The following FAM171B variants were observed in gnomAD, a reference collection of about 807,000 sequenced individuals.
FAM171B encodes the protein family with sequence similarity 171 member B, also known as protein FAM171B.
FAM171B carries 19 observed loss-of-function variants against 75.6 expected under a neutral mutation model. That is an observed-to-expected ratio of 0.25 (90% confidence interval 0.18 to 0.37). FAM171B has a LOEUF of 0.37. Ranked by LOEUF, FAM171B falls within the 10% of genes least tolerant of loss-of-function variation. The pLI is 1.00. For synonymous variants in FAM171B, 367 were observed against 361.7 expected, an observed-to-expected ratio of 1.01 and a Z score of -0.17; for missense variants, 848 against 982.4, an observed-to-expected ratio of 0.86 and a Z score of 1.83.
chr2:186,710,756 A>G (rs879675739), intron 1 of FAM171B, among the ~76,000 whole-genome samples: 10 of 152,156 alleles, frequency 6.6e-5, no homozygotes, highest in East Asian at 1.9e-4. Context: ...TCTGCCTCCA[A>G]TTGTTTATAA....
At chr2:186,708,951 G>T (rs560576664) in intron 1 of FAM171B, among the ~76,000 whole-genome samples, 45 of 152,308 alleles carry the variant, frequency 3.0e-4, no homozygotes, top group African/African-American at 1.0e-3. Flanking sequence ...TAATTTTTAA[G>T]AAAGGAGGTT....
At chr2:186,751,028 G>T in intron 4 of FAM171B, 106 bp from the exon 5 acceptor site, 1 of 812,152 alleles carries the variant, frequency 1.2e-6, no homozygotes, top group Non-Finnish European at 1.9e-6. Context: ...TATTAAAATA[G>T]ATAACCCTTG....
Position 186,753,929 on chromosome 2 carries a change from T to G in FAM171B, c.896-4T>G. The stretch of plus-strand genomic sequence containing the variant: ...TAACAAGTATTTTTTACATACCTTT[T>G]TAGGTGCTTGGGTAAATCATGGTCG... On this transcript the variant is annotated splice_region_variant and splice_polypyrimidine_tract_variant and intron_variant, in intron 5 of 7. Coordinates refer to ENST00000304698, the MANE Select transcript of FAM171B (RefSeq NM_177454.4). 1 of 1,612,044 alleles carries G rather than the reference T, an allele frequency of 6.2e-7. No individual in the cohort carries two copies. The highest frequency in any genetic ancestry group is 8.5e-7 in the Non-Finnish European group (1 of 1,178,278).
intron 1 of FAM171B, among the ~76,000 whole-genome samples, chr2:186,731,672 T>TA (rs1166616972): frequency 6.6e-6 from 1 of 152,170 alleles, no homozygotes; most frequent in Non-Finnish European, 1.5e-5. Flanking sequence ...CACAGACAGA[T>TA]ACAGATACTG....
chr2:186,700,465 A>G (rs868626849), intron 1 of FAM171B, among the ~76,000 whole-genome samples: 19 of 152,216 alleles, frequency 1.2e-4, no homozygotes, highest in Admixed American at 3.9e-4. Context: ...TCATAGATTA[A>G]TTTTGCATTT....
intron 1 of FAM171B, among the ~76,000 whole-genome samples, chr2:186,721,934 TG>T (rs1689959958): frequency 6.6e-6 from 1 of 152,116 alleles, no homozygotes; most frequent in Non-Finnish European, 1.5e-5. Context: ...ATGGGGTATG[TG>T]TGCACAACTT....
intron 1 of FAM171B, among the ~76,000 whole-genome samples, chr2:186,725,299 A>G (rs2682864): frequency 1.3e-5 from 2 of 150,168 alleles, no homozygotes; most frequent in Non-Finnish European, 3.0e-5. Flanking sequence ...AGCCGAGACC[A>G]CGCCACTGCA....
At chr2:186,711,519 T>C (rs1689808933) in intron 1 of FAM171B, among the ~76,000 whole-genome samples, 1 of 152,214 alleles carries the variant, frequency 6.6e-6, no homozygotes, top group African/African-American at 2.4e-5. Context: ...AGGCTATTAA[T>C]GGAAAGGATG....
At chr2:186,751,336 T>C (rs1690450039) in intron 5 of FAM171B, 32 bp downstream of exon 5, 1 of 1,464,782 alleles carries the variant, frequency 6.8e-7, no homozygotes, top group Non-Finnish European at 9.1e-7. Flanking sequence ...AGTCTGAATA[T>C]TTTACATATT....
At chr2:186,722,624 ACTT>A (rs1282764251) in intron 1 of FAM171B, among the ~76,000 whole-genome samples, 2 of 152,146 alleles carry the variant, frequency 1.3e-5, no homozygotes, top group Non-Finnish European at 2.9e-5. Context: ...AGTAAAGAAA[ACTT>A]CTCTGCTGCA....
chr2:186,759,071 T>C (rs1690576790), intron 6 of FAM171B, among the ~76,000 whole-genome samples: 1 of 152,152 alleles, frequency 6.6e-6, no homozygotes, highest in East Asian at 1.9e-4. Flanking sequence ...ATGCCTGGCT[T>C]ATTTCATTTA....
chr2:186,747,747 A>G (rs1668379038), intron 4 of FAM171B, among the ~76,000 whole-genome samples: 1 of 152,194 alleles, frequency 6.6e-6, no homozygotes, highest in East Asian at 1.9e-4. Flanking sequence ...TTGAAAATAT[A>G]TGTATTCTAG....
rs182372576 is a variant in FAM171B at position 186,724,743 on chromosome 2, A to G, written c.239-15485A>G. Among the ~76,000 whole-genome samples, 599 of 152,282 alleles carry G rather than the reference A, an allele frequency of 3.9e-3. 17 individuals carry two copies. The highest frequency in any genetic ancestry group is 7.9e-4 in the Non-Finnish European group (54 of 68,018). ...CAATTCTAGGAGGAAGGAATTACCT[A>G]TGCAAAGACCTGGAGGTGAGAGCGT... On this transcript the variant is annotated intron_variant, in intron 1 of 7. Transcript: ENST00000304698.
chr2:186,703,914 G>T (rs1689700416), intron 1 of FAM171B, among the ~76,000 whole-genome samples: 1 of 151,916 alleles, frequency 6.6e-6, no homozygotes, highest in South Asian at 2.1e-4. Context: ...CCAAAATAAT[G>T]GGCATAGTAG....
rs151013111 is a variant in FAM171B, at chr2:186,715,118, C to T, written c.238+20707C>T. 3.2e-4 allele frequency among the ~76,000 whole-genome samples: 49 copies of T among 152,274 alleles called. No individual in the cohort carries two copies. The East Asian group carries it at 9.3e-3, about 29-fold the overall frequency. On this transcript the variant is annotated intron_variant, in intron 1 of 7. Coordinates refer to ENST00000304698, the MANE Select transcript of FAM171B (RefSeq NM_177454.4). Reference sequence around the variant, plus strand: ...TAGAATACAACTCTCACATTCAGTACAACAAGGGCAGGTAAACATTTACTA... The same window carrying T: ...TAGAATACAACTCTCACATTCAGTATAACAAGGGCAGGTAAACATTTACTA...
chr2:186,718,406 A>C (rs766096671), intron 1 of FAM171B, among the ~76,000 whole-genome samples: 1 of 152,146 alleles, frequency 6.6e-6, no homozygotes, highest in Admixed American at 6.5e-5. Context: ...TTCTCACGCT[A>C]TTCCTTCTTT....
At chr2:186,712,024 G>A (rs1244298640) in intron 1 of FAM171B, among the ~76,000 whole-genome samples, 1 of 152,118 alleles carries the variant, frequency 6.6e-6, no homozygotes, top group Non-Finnish European at 1.5e-5. Flanking sequence ...CATAGGTACT[G>A]TATTCACCCA....
intron 1 of FAM171B, among the ~76,000 whole-genome samples, chr2:186,695,973 T>G (rs998081825): frequency 7.0e-6 from 1 of 143,300 alleles, no homozygotes; most frequent in African/African-American, 2.6e-5. Context: ...TTCAGGAATA[T>G]TAAATGAATT....
At chr2:186,705,398 T>C (rs991944376) in intron 1 of FAM171B, among the ~76,000 whole-genome samples, 3 of 152,082 alleles carry the variant, frequency 2.0e-5, no homozygotes, top group African/African-American at 7.2e-5. Context: ...GTTTGGTCTG[T>C]TGTCTGAGTC....
Sources: allele counts gnomAD v4.1 joint callset (sites outside exome capture counted in the v4.1 genomes callset), GRCh38; gene constraint gnomAD v4.1.1; transcripts MANE v1.5; gene names NCBI Gene and HGNC (gene_info 2026-07-23, HGNC 2026-07-21).